Variants in CIP2A observed in about 807,000 individuals in gnomAD.
CIP2A encodes the protein cellular inhibitor of PP2A, also known as protein CIP2A.
Under a neutral mutation model 110.9 loss-of-function variants are expected in CIP2A, and 103 were observed. The observed-to-expected ratio is 0.93, with a 90% CI of 0.79 to 1.09. CIP2A has a LOEUF of 1.09. Among genes scored for constraint, CIP2A ranks in the 50% least tolerant of loss-of-function variants. The pLI, the probability that CIP2A is intolerant of heterozygous loss-of-function variation, is 0.00. For missense variants in CIP2A, 1,088 were observed against 1,038.4 expected, an observed-to-expected ratio of 1.05 and a Z score of -0.66; for synonymous variants, 381 against 361.6, an observed-to-expected ratio of 1.05 and a Z score of -0.61.
intron 16 of CIP2A, among the ~76,000 whole-genome samples, chr3:108,558,054 T>C (rs1937872349): frequency 6.6e-6 from 1 of 152,146 alleles, no homozygotes; most frequent in Admixed American, 6.6e-5. Context: ...GTGCTATTTT[T>C]ATAAGAACTT....
chr3:108,580,520 T>G (rs1344007682), intron 5 of CIP2A, among the ~76,000 whole-genome samples: 1 of 150,818 alleles, frequency 6.6e-6, no homozygotes. Context: ...ATGTAGCACT[T>G]GAACAAGTGA....
intron 17 of CIP2A, 27 bp downstream of exon 17, chr3:108,557,191 T>C: frequency 2.1e-6 from 3 of 1,460,044 alleles, no homozygotes; most frequent in Non-Finnish European, 2.8e-6. Context: ...GGTTCTAACC[T>C]TACACAGAAG....
chr3:108,560,169 C>T, intron 14 of CIP2A, 141 bp from the exon 15 acceptor site: 1 of 586,448 alleles, frequency 1.7e-6, no homozygotes, highest in Non-Finnish European at 3.0e-6. Flanking sequence ...TCAGGTAAGT[C>T]ACAAATATTT....
At chr3:108,584,854 T>C in intron 2 of CIP2A, 1 of 397,340 alleles carries the variant, frequency 2.5e-6, no homozygotes, top group Non-Finnish European at 4.4e-6. Flanking sequence ...TTTTACCCTT[T>C]AGTTCTAAAT....
chr3:108,570,342 A>G (rs1416013711), intron 8 of CIP2A, among the ~76,000 whole-genome samples: 1 of 152,190 alleles, frequency 6.6e-6, no homozygotes, highest in Non-Finnish European at 1.5e-5. Flanking sequence ...ATCTGAATTT[A>G]AAAGAATCCA....
At chr3:108,560,498 T>C in intron 14 of CIP2A, 151 bp downstream of exon 14, 1 of 569,502 alleles carries the variant, frequency 1.8e-6, no homozygotes, top group Non-Finnish European at 2.9e-6. Flanking sequence ...GACTGATTTT[T>C]CTTATTTCCA....
intron 8 of CIP2A, among the ~76,000 whole-genome samples, chr3:108,575,386 G>A (rs1255145380): frequency 1.3e-5 from 2 of 148,376 alleles, no homozygotes; most frequent in East Asian, 2.0e-4. Context: ...ACATGTATGC[G>A]TGTATATATG....
intron 11 of CIP2A, among the ~76,000 whole-genome samples, chr3:108,566,222 C>G (rs910436680): frequency 3.3e-5 from 5 of 151,524 alleles, no homozygotes; most frequent in African/African-American, 1.2e-4. Context: ...AAAGGAGCTC[C>G]AGAAATGTTC....
In CIP2A at chr3:108,585,181, A is replaced by C; in HGVS notation, c.134T>G (p.Phe45Cys). Residue 45 changes from phenylalanine (F) to cysteine (C), a missense_variant, in exon 2 of 21, where the codon TTT (phenylalanine) becomes TGT (cysteine). By Grantham distance (205) the Phe-to-Cys change is radical (BLOSUM62 -2). Transcript: ENST00000295746. ...VISGQKLTRLFTSNQILTSEC... is the reference protein window; with the variant it reads ...VISGQKLTRLCTSNQILTSEC... ...ACTTGTTAATATCTGATTTGATGTA[A>C]ATAGTCGTGTGAGTTTCTGTCCAGA... The C allele has an allele frequency of 6.2e-7, 1 of 1,611,994 alleles. No individual in the cohort carries two copies. Among genetic ancestry groups the C allele is most frequent in the South Asian group, 1.1e-5 (1 of 90,626 alleles).
intron 1 of CIP2A, among the ~76,000 whole-genome samples, chr3:108,587,728 G>A (rs4855656): frequency 0.036 from 5,439 of 152,164 alleles, 422 homozygotes; most frequent in East Asian, 0.35. Context: ...TAAACCCCTT[G>A]AAAGTTTAGG....
chr3:108,582,236 T>C (rs1938907881), intron 3 of CIP2A, 34 bp from the exon 4 acceptor site: 2 of 890,704 alleles, frequency 2.2e-6, no homozygotes, highest in Admixed American at 2.2e-5. Context: ...AATATAAAGA[T>C]ATAAAAACAT....
chr3:108,551,793 T>C (rs980413151), intron 20 of CIP2A, among the ~76,000 whole-genome samples: 4 of 152,078 alleles, frequency 2.6e-5, no homozygotes, highest in African/African-American at 7.2e-5. Context: ...ACCATGGTAA[T>C]ATAGAAAGAA....
rs751898839 is a variant in CIP2A, at chr3:108,569,474, G to A, written c.1028C>T (p.Ala343Val). 1 of 1,612,724 alleles carries A rather than the reference G, an allele frequency of 6.2e-7. No individual in the cohort carries two copies. The highest frequency in any genetic ancestry group is 2.2e-5 in the East Asian group (1 of 44,798). The change falls in exon 9 of 21, where the codon GCT (alanine) becomes GTT (valine). Residue 343 changes from alanine (A) to valine (V), a missense_variant. Ala to Val is a moderately conservative substitution (Grantham distance 64, BLOSUM62 0). Transcript: ENST00000295746. ...AGGTTGGCTTAACCAGCGCAGTAGAGCCACAGTAGGTTCTAAACATTTAGT... is the reference window on the plus strand; with the variant it reads ...AGGTTGGCTTAACCAGCGCAGTAGAACCACAGTAGGTTCTAAACATTTAGT... ...SHTKCLEPTV[A>V]LLRWLSQPLD...
intron 17 of CIP2A, among the ~76,000 whole-genome samples, chr3:108,555,330 T>C (rs1159156565): frequency 1.3e-5 from 2 of 152,168 alleles, no homozygotes; most frequent in African/African-American, 4.8e-5. Context: ...AAATCCTGAG[T>C]TCACTCAAGG....
chr3:108,564,824 C>T (rs968779154), intron 12 of CIP2A, among the ~76,000 whole-genome samples: 1 of 151,780 alleles, frequency 6.6e-6, no homozygotes, highest in African/African-American at 2.4e-5. Context: ...AAATAAAAGC[C>T]AGTTAGAACT....
Position 108,568,228 on chromosome 3 carries a change from T to C in CIP2A, c.1200A>G (p.Thr400=). The C allele has an allele frequency of 5.0e-6, 8 of 1,612,514 alleles. No individual in the cohort carries two copies. The highest frequency in any genetic ancestry group is 6.8e-6 in the Non-Finnish European group (8 of 1,178,910). The part of the protein sequence containing the change: ...LPTILDQLQF[T]EQNLDEALTR... ...TTAAAGCCTCATCTAGATTTTGTTCTGTGAACTGAAGTTGATCAAGGATTG... is the reference window on the plus strand; with the variant it reads ...TTAAAGCCTCATCTAGATTTTGTTCCGTGAACTGAAGTTGATCAAGGATTG... Residue 400 remains threonine (T), a synonymous_variant, in exon 10 of 21, where the codon ACA becomes ACG. Coordinates refer to ENST00000295746, the MANE Select transcript of CIP2A (RefSeq NM_020890.3).
intron 2 of CIP2A, among the ~76,000 whole-genome samples, chr3:108,583,447 G>A (rs1408023860): frequency 6.6e-6 from 1 of 152,140 alleles, no homozygotes; most frequent in East Asian, 1.9e-4. Flanking sequence ...GCAGCAACAC[G>A]GATGGAACTG....
At chr3:108,582,899 G>T in intron 3 of CIP2A, 78 bp downstream of exon 3, 1 of 798,346 alleles carries the variant, frequency 1.3e-6, no homozygotes, top group Non-Finnish European at 2.1e-6. Context: ...TACACTGTAA[G>T]TCAGCAGTTT....
chr3:108,567,099 T>A (rs770144906), intron 10 of CIP2A, among the ~76,000 whole-genome samples: 10 of 151,834 alleles, frequency 6.6e-5, no homozygotes, highest in East Asian at 3.9e-4. Flanking sequence ...TTCTCAACTT[T>A]AGCTGCATGT....
Sources: allele counts gnomAD v4.1 joint callset (sites outside exome capture counted in the v4.1 genomes callset), GRCh38; gene constraint gnomAD v4.1.1; transcripts MANE v1.5; gene names NCBI Gene and HGNC (gene_info 2026-07-23, HGNC 2026-07-21).